The following DPYD variants were observed in gnomAD, a reference collection of about 807,000 sequenced individuals.
The protein encoded by DPYD is dihydropyrimidine dehydrogenase [NADP(+)].
In DPYD, 109 loss-of-function variants were observed where a neutral mutation model predicts 116.2. That is an observed-to-expected ratio of 0.94 (90% CI 0.80 to 1.10). DPYD has a LOEUF of 1.10. Among genes scored for constraint, DPYD ranks in the 50% least tolerant of loss-of-function variants. The pLI is 0.00. For missense variants in DPYD, 1,302 were observed against 1,254.5 expected, an observed-to-expected ratio of 1.04 and a Z score of -0.57; for synonymous variants, 440 against 432.0, an observed-to-expected ratio of 1.02 and a Z score of -0.23.
chr1:97,393,609 C>A lies in DPYD; in HGVS notation c.1906-11148G>T, dbSNP rs1395768599. On this transcript the variant is annotated intron_variant, in intron 14 of 22. Transcript: ENST00000370192. ...GTTTCCAGCTTCATCCATGTCCCTACAAAGGACATGGACTCATCCTTTTTT... is the reference window on the plus strand; with the variant it reads ...GTTTCCAGCTTCATCCATGTCCCTAAAAAGGACATGGACTCATCCTTTTTT... 2.6e-5 allele frequency among the ~76,000 whole-genome samples: 4 copies of A among 152,196 alleles called. No homozygotes were observed. In the East Asian group the frequency reaches 7.8e-4, roughly 30 times the overall value.
intron 16 of DPYD, among the ~76,000 whole-genome samples, chr1:97,342,965 T>C (rs903246188): frequency 6.6e-6 from 1 of 151,958 alleles, no homozygotes; most frequent in African/African-American, 2.4e-5. Context: ...CAGTTACATC[T>C]CCTGTATTTG....
rs1677872187 is a variant in DPYD, at chr1:97,474,964, T to TTAA, written c.1741-24742_1741-24741insTTA. On this transcript the variant is annotated intron_variant, in intron 13 of 22. Coordinates refer to ENST00000370192, the MANE Select transcript of DPYD (RefSeq NM_000110.4). Reference sequence around the variant, plus strand: ...AAAGTTGCTAGAAAAGTTAAGAAAATGTAAAAAGAAGAACACAGGTCAATA... The same window carrying TTAA: ...AAAGTTGCTAGAAAAGTTAAGAAAATTAAGTAAAAAGAAGAACACAGGTCAATA... Among the ~76,000 whole-genome samples the TTAA allele has an allele frequency of 3.9e-5, 6 of 151,980 alleles. No individual in the cohort carries two copies. In the South Asian group the frequency reaches 1.2e-3, roughly 32 times the overall value.
At chr1:97,678,582 A>C (rs1015089080) in intron 8 of DPYD, among the ~76,000 whole-genome samples, 2 of 152,182 alleles carry the variant, frequency 1.3e-5, no homozygotes, top group African/African-American at 2.4e-5. Context: ...ATATGAGAAA[A>C]CAGTATACAG....
Position 97,463,722 on chromosome 1 carries a change from G to A in DPYD, c.1741-13499C>T, listed in dbSNP as rs192334930. On this transcript the variant is annotated intron_variant, in intron 13 of 22. Coordinates refer to ENST00000370192, the MANE Select transcript of DPYD (RefSeq NM_000110.4). ...TGAGATGGTCTCAGATGGAGATGAG[G>A]AACTTGTTGGGAACTACAGGAAAGG... is the stretch of plus-strand genomic sequence containing the variant. Among the ~76,000 whole-genome samples, 13 of 152,310 alleles carry A rather than the reference G, an allele frequency of 8.5e-5. No individual in the cohort carries two copies. In the East Asian group the frequency reaches 2.5e-3, roughly 29 times the overall value.
intron 16 of DPYD, among the ~76,000 whole-genome samples, chr1:97,358,980 T>C (rs756906398): frequency 1.3e-5 from 2 of 152,054 alleles, no homozygotes; most frequent in Non-Finnish European, 2.9e-5. Context: ...TTGACAGAAG[T>C]AGGCTTCAGA....
At chr1:97,247,478 G>A (rs1029240624) in intron 18 of DPYD, among the ~76,000 whole-genome samples, 1 of 152,116 alleles carries the variant, frequency 6.6e-6, no homozygotes, top group Non-Finnish European at 1.5e-5. Flanking sequence ...GACCCCTGAT[G>A]TTTCAGGGCT....
chr1:97,204,182 A>G (rs11165808), intron 19 of DPYD, among the ~76,000 whole-genome samples: 4,166 of 152,270 alleles, frequency 0.027, 160 homozygotes, highest in African/African-American at 0.088. Context: ...TAAGGTTTGC[A>G]TTTGTTAAAA....
rs138362918 is a variant in DPYD, at chr1:97,419,214, T to C, written c.1905+30845A>G. On this transcript the variant is annotated intron_variant, in intron 14 of 22. Transcript: ENST00000370192. ...CTTTAGTGAATGGAGCCATCCAACA[T>C]ACAGTTGCTTAAGTGATAACTGAAA... 3.4e-3 allele frequency among the ~76,000 whole-genome samples: 518 copies of C among 152,316 alleles called. 2 individuals are homozygous for C. The highest frequency in any genetic ancestry group is 0.012 in the African/African-American group (496 of 41,576).
chr1:97,232,724 G>A (rs1051830205), intron 19 of DPYD, among the ~76,000 whole-genome samples: 2 of 151,942 alleles, frequency 1.3e-5, no homozygotes, highest in Non-Finnish European at 2.9e-5. Context: ...TTATATTTAA[G>A]TGATTGCATT....
intron 13 of DPYD, among the ~76,000 whole-genome samples, chr1:97,490,426 CTAA>C (rs1257749117): frequency 2.0e-5 from 3 of 146,936 alleles, no homozygotes; most frequent in Non-Finnish European, 4.5e-5. Flanking sequence ...GTATAACACA[CTAA>C]TAATTGTATA....
chr1:97,510,521 G>A (rs1413164390), intron 13 of DPYD, among the ~76,000 whole-genome samples: 12 of 151,914 alleles, frequency 7.9e-5, no homozygotes, highest in African/African-American at 1.2e-4. Context: ...TGAACCTTGA[G>A]CCTAATGCCA....
At chr1:97,914,464 T>C (rs1438165802) in intron 1 of DPYD, among the ~76,000 whole-genome samples, 2 of 152,180 alleles carry the variant, frequency 1.3e-5, no homozygotes, top group Non-Finnish European at 2.9e-5. Context: ...AAATGCCTTC[T>C]ACATTTCTAT....
intron 1 of DPYD, among the ~76,000 whole-genome samples, chr1:97,891,538 T>C (rs1269783414): frequency 6.6e-6 from 1 of 151,928 alleles, no homozygotes; most frequent in Admixed American, 6.6e-5. Context: ...ATTGTCACCG[T>C]TTGGTCTGTT....
chr1:97,689,516 T>C (rs1352590166), intron 7 of DPYD, among the ~76,000 whole-genome samples: 1 of 152,008 alleles, frequency 6.6e-6, no homozygotes, highest in Non-Finnish European at 1.5e-5. Context: ...AACAAGATAA[T>C]GCTAGGTCAT....
At chr1:97,377,783 C>T (rs377372453) in intron 15 of DPYD, among the ~76,000 whole-genome samples, 3 of 152,112 alleles carry the variant, frequency 2.0e-5, no homozygotes, top group Admixed American at 6.6e-5. Context: ...CAGGTGAGCA[C>T]GAGCATTTGA....
intron 3 of DPYD, among the ~76,000 whole-genome samples, chr1:97,772,009 T>A (rs926014188): frequency 6.6e-6 from 1 of 152,192 alleles, no homozygotes; most frequent in Non-Finnish European, 1.5e-5. Context: ...GGTATTAATA[T>A]TCTTTCTTGT....
At position 97,607,826 on chromosome 1, in the gene DPYD, CACAA is replaced by C. The variant is rs71071664; in HGVS notation, c.851-12664_851-12661del. On this transcript the variant is annotated intron_variant, in intron 8 of 22. Coordinates refer to ENST00000370192, the MANE Select transcript of DPYD (RefSeq NM_000110.4). Reference sequence around the variant, plus strand: ...GCATAACACTATGTACACTGTAAAGCACAAACAGTGTTCAAAAGAACACTTTTGA... The same window carrying C: ...GCATAACACTATGTACACTGTAAAGCACAGTGTTCAAAAGAACACTTTTGA... Among the ~76,000 whole-genome samples, 811 of 152,020 alleles carry C rather than the reference CACAA, an allele frequency of 5.3e-3. 6 individuals are homozygous for C. The highest frequency in any genetic ancestry group is 8.4e-3 in the Non-Finnish European group (572 of 67,900).
rs61789252 is a variant in DPYD, at chr1:97,686,631, T to C, written c.762+5086A>G. Among the ~76,000 whole-genome samples, 722 of 94,246 alleles carry C rather than the reference T, an allele frequency of 7.7e-3. 11 individuals are homozygous for C. The highest frequency in any genetic ancestry group is 0.033 in the African/African-American group (686 of 21,094). The allele number at this position is 94,246 out of a possible 152,430, so 61.8% of individuals were successfully genotyped here. A position where few individuals can be genotyped will look rare whatever the true frequency, so the allele number is the denominator to read the frequency against. ...CAGCCTGGGCGACAGAGCGAGACTC[T>C]GTCTCAAAAAAAAAAAAAAAAAAAA... On this transcript the variant is annotated intron_variant, in intron 7 of 22. Transcript: ENST00000370192.
At chr1:97,382,225 C>T (rs1427560692) in intron 15 of DPYD, among the ~76,000 whole-genome samples, 168 bp downstream of exon 15, 4 of 152,224 alleles carry the variant, frequency 2.6e-5, no homozygotes, top group African/African-American at 7.2e-5. Context: ...ACATTTCCAT[C>T]ATTTTAATGA....
Sources: allele counts gnomAD v4.1 joint callset (sites outside exome capture counted in the v4.1 genomes callset), GRCh38; gene constraint gnomAD v4.1.1; transcripts MANE v1.5; gene names NCBI Gene and HGNC (gene_info 2026-07-23, HGNC 2026-07-21).